MYRIP: variants seen among roughly 807,000 people sequenced by gnomAD.
MYRIP encodes the protein myosin VIIA and Rab interacting protein.
In MYRIP, 49 loss-of-function variants were observed where a neutral mutation model predicts 98.0. The ratio of observed to expected loss-of-function variants is 0.50; its 90% CI spans 0.40 to 0.63. MYRIP has a LOEUF of 0.63. Ranked by LOEUF, MYRIP falls within the 30% of genes least tolerant of loss-of-function variation. The pLI, the probability that MYRIP is intolerant of heterozygous loss-of-function variation, is 0.00. For missense variants in MYRIP, 1,004 were observed against 1,058.2 expected, an observed-to-expected ratio of 0.95 and a Z score of 0.71; for synonymous variants, 404 against 409.5, an observed-to-expected ratio of 0.99 and a Z score of 0.16.
At chr3:39,937,245 T>G (rs928182564) in intron 2 of MYRIP, among the ~76,000 whole-genome samples, 1 of 152,234 alleles carries the variant, frequency 6.6e-6, no homozygotes, top group African/African-American at 2.4e-5. Flanking sequence ...ATTAACATTG[T>G]GCATGTGCCT....
At chr3:40,258,058 G>A in intron 16 of MYRIP, 76 bp from the exon 17 acceptor site, 2 of 1,495,690 alleles carry the variant, frequency 1.3e-6, no homozygotes, top group Admixed American at 1.7e-5. Flanking sequence ...TTAAAAAGCA[G>A]TAAACATTAT....
intron 8 of MYRIP, among the ~76,000 whole-genome samples, chr3:40,180,194 T>A (rs1471650943): frequency 3.3e-5 from 5 of 152,212 alleles, no homozygotes; most frequent in Non-Finnish European, 2.9e-5. Flanking sequence ...AGTAAAACCT[T>A]GCTCTCCAGG....
chr3:40,087,353 A>G (rs1317168733), intron 3 of MYRIP, among the ~76,000 whole-genome samples: 3 of 152,186 alleles, frequency 2.0e-5, no homozygotes, highest in Admixed American at 1.3e-4. Context: ...AGGAGTAAGC[A>G]CTGATACATG....
At chr3:39,855,714 G>A (rs1393088136) in intron 1 of MYRIP, among the ~76,000 whole-genome samples, 1 of 152,132 alleles carries the variant, frequency 6.6e-6, no homozygotes, top group Non-Finnish European at 1.5e-5. Flanking sequence ...CTTGTCCCGG[G>A]TTGTGAGCTG....
At chr3:40,222,710 GGAA>G (rs1952372767) in intron 11 of MYRIP, among the ~76,000 whole-genome samples, 1 of 152,014 alleles carries the variant, frequency 6.6e-6, no homozygotes, top group African/African-American at 2.4e-5. Context: ...GAGAAATATT[GGAA>G]TTCCCAGGCA....
intron 1 of MYRIP, among the ~76,000 whole-genome samples, chr3:39,838,020 T>C (rs1430637254): frequency 1.3e-5 from 2 of 152,072 alleles, no homozygotes; most frequent in African/African-American, 4.8e-5. Flanking sequence ...CTCTGTCTAC[T>C]ATTGGTGTAT....
intron 7 of MYRIP, 44 bp from the exon 8 acceptor site, chr3:40,169,906 G>A (rs1165425045): frequency 6.2e-7 from 1 of 1,612,932 alleles, no homozygotes; most frequent in Non-Finnish European, 8.5e-7. Flanking sequence ...AGCATCAGGA[G>A]GCCTCTCCAA....
intron 2 of MYRIP, among the ~76,000 whole-genome samples, chr3:39,922,392 C>G (rs1944325829): frequency 6.6e-6 from 1 of 152,230 alleles, no homozygotes; most frequent in African/African-American, 2.4e-5. Flanking sequence ...GACTTTTATC[C>G]TTAATGGCCA....
intron 2 of MYRIP, among the ~76,000 whole-genome samples, chr3:40,014,435 C>A (rs1170947083): frequency 6.6e-6 from 1 of 152,146 alleles, no homozygotes; most frequent in African/African-American, 2.4e-5. Context: ...GCAGAACATC[C>A]CCTGGGATCT....
chr3:40,248,421 T>C (rs1436615621), intron 13 of MYRIP: 1 of 152,258 alleles, frequency 6.6e-6, no homozygotes, highest in Non-Finnish European at 1.5e-5. Flanking sequence ...AACTCAGAGC[T>C]GAATTGGTCA....
chr3:40,166,789 A>T, intron 5 of MYRIP, 57 bp from the exon 6 acceptor site: 1 of 1,183,804 alleles, frequency 8.4e-7, no homozygotes, highest in Non-Finnish European at 1.3e-6. Context: ...GAGCTTGAAC[A>T]ATCGTTTTAC....
chr3:39,811,064 A>G (rs1407443663), intron 1 of MYRIP, among the ~76,000 whole-genome samples: 3 of 152,126 alleles, frequency 2.0e-5, no homozygotes, highest in Non-Finnish European at 4.4e-5. Flanking sequence ...CTTTTACTCC[A>G]GGTCCTTTGA....
At chr3:40,164,848 A>T (rs1950470305) in intron 5 of MYRIP, among the ~76,000 whole-genome samples, 1 of 152,210 alleles carries the variant, frequency 6.6e-6, no homozygotes, top group East Asian at 1.9e-4. Context: ...CCTTCCAGGG[A>T]TCCACACAGA....
intron 2 of MYRIP, among the ~76,000 whole-genome samples, chr3:39,931,515 CCTT>C (rs755344512): frequency 3.5e-4 from 52 of 149,774 alleles, no homozygotes; most frequent in Non-Finnish European, 5.6e-4. Context: ...TCCTTTTTTT[CCTT>C]CTTCTTACCT....
intron 2 of MYRIP, among the ~76,000 whole-genome samples, chr3:40,002,489 C>T (rs899659632): frequency 7.9e-5 from 12 of 151,750 alleles, no homozygotes; most frequent in African/African-American, 1.7e-4. Flanking sequence ...GAGCTGAGAT[C>T]GCACCATTGC....
At chr3:40,107,826 T>C (rs1575543200) in intron 3 of MYRIP, among the ~76,000 whole-genome samples, 2 of 152,162 alleles carry the variant, frequency 1.3e-5, no homozygotes, top group Admixed American at 1.3e-4. Context: ...TTATACAAGG[T>C]CTAATGCCAA....
At chr3:39,977,267 A>G (rs1010822078) in intron 2 of MYRIP, among the ~76,000 whole-genome samples, 2 of 152,094 alleles carry the variant, frequency 1.3e-5, no homozygotes, top group Non-Finnish European at 2.9e-5. Context: ...GACTAGAAGG[A>G]AATGAGGGGG....
rs953958946 is a variant in MYRIP, at chr3:40,211,349, C to T, written c.1905+1256C>T. 3.9e-5 allele frequency among the ~76,000 whole-genome samples: 6 copies of T among 152,282 alleles called. No homozygotes were observed. The South Asian group carries it at 1.0e-3, about 26-fold the overall frequency. On this transcript the variant is annotated intron_variant, in intron 11 of 16. Coordinates refer to ENST00000302541, the MANE Select transcript of MYRIP (RefSeq NM_015460.4). ...GAGCTGCCTTCATCTGCCCAGCAGCCGAGCTGGGGTCCTGTGGAGGATGAA... is the reference window on the plus strand; with the variant it reads ...GAGCTGCCTTCATCTGCCCAGCAGCTGAGCTGGGGTCCTGTGGAGGATGAA...
chr3:40,162,690 T>C (rs779497841), intron 4 of MYRIP, 40 bp from the exon 5 acceptor site: 13 of 1,570,816 alleles, frequency 8.3e-6, no homozygotes, highest in Middle Eastern at 1.7e-4. Context: ...AGACCTTTGA[T>C]AATCATATTC....
Sources: gnomAD v4.1 joint callset for allele counts (sites outside exome capture counted in the v4.1 genomes callset) on GRCh38, gnomAD v4.1.1 for gene constraint, MANE v1.5 for transcripts, NCBI Gene and HGNC (gene_info 2026-07-23, HGNC 2026-07-21) for gene names.